The following KLRG1 variants were observed in gnomAD, a reference collection of about 807,000 sequenced individuals.
The protein encoded by KLRG1 is killer cell lectin-like receptor subfamily G member 1.
Under a neutral mutation model 21.8 loss-of-function variants are expected in KLRG1, and 16 were observed. That is an observed-to-expected ratio of 0.73 (90% CI 0.50 to 1.11). The LOEUF is 1.11. Among genes scored for constraint, KLRG1 ranks in the 50% most tolerant of loss-of-function variants. The pLI is 0.00. For synonymous variants in KLRG1, 69 were observed against 75.9 expected, an observed-to-expected ratio of 0.91 and a Z score of 0.47; for missense variants, 173 against 218.3, an observed-to-expected ratio of 0.79 and a Z score of 1.31.
chr12:9,015,805 G>A, the KLRG1 span, among the ~76,000 whole-genome samples: 35,607 of 152,028 alleles, frequency 0.23, 4,877 homozygotes, highest in East Asian at 0.37. Context: ...AATCATGTCA[G>A]TTATCTTCTC....
intron 1 of KLRG1, among the ~76,000 whole-genome samples, chr12:8,956,639 G>T (rs1359414078): frequency 1.3e-5 from 2 of 151,754 alleles, no homozygotes; most frequent in African/African-American, 4.9e-5. Context: ...TAGAGATGGG[G>T]TTTCGCCACG....
the KLRG1 span, among the ~76,000 whole-genome samples, chr12:9,126,781 G>A: frequency 6.6e-6 from 1 of 152,140 alleles, no homozygotes; most frequent in Non-Finnish European, 1.5e-5. Context: ...ATAGTTCTCT[G>A]CCTGGGATTC....
At chr12:9,185,225 GA>G in the KLRG1 span, among the ~76,000 whole-genome samples, 1 of 152,150 alleles carries the variant, frequency 6.6e-6, no homozygotes, top group East Asian at 1.9e-4. Context: ...AGCCAGTATA[GA>G]AAAGAACATA....
the KLRG1 span, chr12:9,079,633 A>C: frequency 6.2e-7 from 1 of 1,609,158 alleles, no homozygotes; most frequent in Non-Finnish European, 8.5e-7. Flanking sequence ...TCAAGTAATC[A>C]CTCACCAGTG....
At chr12:9,087,809 C>A in the KLRG1 span, among the ~76,000 whole-genome samples, 2 of 152,020 alleles carry the variant, frequency 1.3e-5, no homozygotes, top group African/African-American at 2.4e-5. Flanking sequence ...CAACAACCAA[C>A]CAAACAAAAC....
chr12:8,991,360 C>T (rs1054604857), intron 1 of KLRG1, among the ~76,000 whole-genome samples: 1 of 152,096 alleles, frequency 6.6e-6, no homozygotes, highest in Non-Finnish European at 1.5e-5. Flanking sequence ...ACTTACTGCT[C>T]TTTTAATAAC....
upstream of KLRG1, among the ~76,000 whole-genome samples, chr12:8,988,036 C>G (rs917673361): frequency 6.6e-6 from 1 of 152,192 alleles, no homozygotes; most frequent in African/African-American, 2.4e-5. Flanking sequence ...GCTCTTGGCC[C>G]TGCAGGAACT....
the KLRG1 span, chr12:9,028,909 G>A: frequency 3.1e-6 from 2 of 636,814 alleles, no homozygotes; most frequent in Non-Finnish European, 5.9e-6. Context: ...AGTGGCATAT[G>A]TGACAAACCC....
chr12:9,211,471 T>G, the KLRG1 span, among the ~76,000 whole-genome samples: 1 of 152,184 alleles, frequency 6.6e-6, no homozygotes, highest in Non-Finnish European at 1.5e-5. Context: ...TTATTAAACT[T>G]CTCATTTTGT....
At chr12:9,192,080 T>A in the KLRG1 span, 1 of 865,678 alleles carries the variant, frequency 1.2e-6, no homozygotes, top group Non-Finnish European at 1.9e-6. Flanking sequence ...TTCCTGCGTG[T>A]CCTCCTTATT....
intron 3 of KLRG1, among the ~76,000 whole-genome samples, chr12:9,000,417 A>G (rs1255972359): frequency 3.3e-5 from 5 of 152,240 alleles, no homozygotes; most frequent in African/African-American, 1.2e-4. Context: ...GAAAATATGC[A>G]TAGCATAAAA....
At chr12:9,081,068 A>C in the KLRG1 span, among the ~76,000 whole-genome samples, 2 of 152,200 alleles carry the variant, frequency 1.3e-5, no homozygotes, top group Non-Finnish European at 2.9e-5. Context: ...TTTGTAAAAA[A>C]ACAGATGCCA....
chr12:9,084,893 A>G, the KLRG1 span, among the ~76,000 whole-genome samples: 3 of 152,124 alleles, frequency 2.0e-5, no homozygotes, highest in Non-Finnish European at 4.4e-5. Flanking sequence ...CTTATATTCA[A>G]CAAAACAGAC....
chr12:9,200,695 T>A, the KLRG1 span, among the ~76,000 whole-genome samples: 3 of 152,202 alleles, frequency 2.0e-5, no homozygotes, highest in Non-Finnish European at 4.4e-5. Flanking sequence ...GTTTCATACT[T>A]GGCAAAGCGT....
At chr12:9,205,393 C>T in the KLRG1 span, among the ~76,000 whole-genome samples, 4 of 152,266 alleles carry the variant, frequency 2.6e-5, no homozygotes, top group South Asian at 8.3e-4. Flanking sequence ...TGAGCATCTG[C>T]CACATGACAA....
chr12:9,125,194 A>G, the KLRG1 span, among the ~76,000 whole-genome samples: 2 of 152,222 alleles, frequency 1.3e-5, no homozygotes, highest in African/African-American at 4.8e-5. Flanking sequence ...AGAGCAGTAG[A>G]TGTTGGGAAG....
chr12:9,105,217 A>T, the KLRG1 span, among the ~76,000 whole-genome samples: 1 of 152,230 alleles, frequency 6.6e-6, no homozygotes, highest in South Asian at 2.1e-4. Flanking sequence ...TAATTGATTT[A>T]CAAAATCTAA....
chr12:8,993,399 A>C (rs1270841000), intron 2 of KLRG1, among the ~76,000 whole-genome samples: 1 of 151,844 alleles, frequency 6.6e-6, no homozygotes, highest in Non-Finnish European at 1.5e-5. Context: ...AGCGATTCTC[A>C]TGCCTCAGCC....
chr12:8,980,666 G>C (rs190902640), intron 1 of KLRG1, among the ~76,000 whole-genome samples: 2 of 152,278 alleles, frequency 1.3e-5, no homozygotes, highest in East Asian at 3.9e-4. Context: ...TGCAATGCTG[G>C]GCTTGGGGTA....
Sources: allele counts gnomAD v4.1 joint callset (sites outside exome capture counted in the v4.1 genomes callset), GRCh38; gene constraint gnomAD v4.1.1; transcripts MANE v1.5; gene names NCBI Gene and HGNC (gene_info 2026-07-23, HGNC 2026-07-21).